Variants in HDAC9 observed in about 807,000 individuals in gnomAD.
The protein encoded by HDAC9 is MEF-2 interacting transcription repressor (MITR) protein.
A neutral mutation model predicts 139.4 loss-of-function variants in HDAC9; 41 were observed. The observed-to-expected ratio is 0.29, with a 90% CI of 0.23 to 0.38. The LOEUF is 0.38. Ranked by LOEUF, HDAC9 falls within the 10% of genes least tolerant of loss-of-function variation. The pLI, the probability that HDAC9 is intolerant of heterozygous loss-of-function variation, is 1.00. For missense variants in HDAC9, 1,147 were observed against 1,297.0 expected, an observed-to-expected ratio of 0.88 and a Z score of 1.78; for synonymous variants, 517 against 476.2, an observed-to-expected ratio of 1.09 and a Z score of -1.12.
intron 13 of HDAC9, among the ~76,000 whole-genome samples, chr7:18,728,837 A>T (rs972789533): frequency 3.3e-5 from 5 of 152,242 alleles, no homozygotes; most frequent in African/African-American, 1.2e-4. Context: ...TACCTTTGGT[A>T]GGCATCTTTA....
At chr7:18,230,761 GT>G (rs1191027096) in intron 2 of HDAC9, among the ~76,000 whole-genome samples, 2 of 152,128 alleles carry the variant, frequency 1.3e-5, no homozygotes, top group African/African-American at 4.8e-5. Context: ...CTTAAAAGTA[GT>G]TTTAAAAGTT....
intron 19 of HDAC9, among the ~76,000 whole-genome samples, chr7:18,830,350 G>C (rs1795771313): frequency 1.3e-5 from 2 of 152,168 alleles, no homozygotes; most frequent in Admixed American, 1.3e-4. Context: ...ACAAAGCATA[G>C]ACAGGAAATG....
At chr7:18,320,722 T>G (rs1477063970) in intron 1 of HDAC9, among the ~76,000 whole-genome samples, 1 of 152,180 alleles carries the variant, frequency 6.6e-6, no homozygotes, top group Admixed American at 6.5e-5. Context: ...AGCAGATAAG[T>G]CTGACATTTC....
At chr7:18,891,369 G>A (rs1440090136) in intron 22 of HDAC9, among the ~76,000 whole-genome samples, 1 of 152,168 alleles carries the variant, frequency 6.6e-6, no homozygotes, top group Non-Finnish European at 1.5e-5. Flanking sequence ...GATGGTTCCA[G>A]GAAGGTCCTC....
In HDAC9 at chr7:18,157,200, CAT is replaced by C. The variant is rs1349838356; in HGVS notation, c.-96-5027_-96-5026del. Among the ~76,000 whole-genome samples, 10 of 152,324 alleles carry C rather than the reference CAT, an allele frequency of 6.6e-5. No homozygotes were observed. The East Asian group carries it at 1.9e-3, about 29-fold the overall frequency. Reference sequence around the variant, plus strand: ...ATACTGTGCAGGAATAGTCAGGACTCATAGTCAGCTGATATGTTTTAGTAAGG... The same window carrying C: ...ATACTGTGCAGGAATAGTCAGGACTCAGTCAGCTGATATGTTTTAGTAAGG... On this transcript the variant is annotated intron_variant, in intron 1 of 12. Coordinates refer to the HDAC9 transcript ENST00000417496.
chr7:18,852,542 C>T (rs1797379014), intron 21 of HDAC9, among the ~76,000 whole-genome samples: 1 of 152,140 alleles, frequency 6.6e-6, no homozygotes, highest in Non-Finnish European at 1.5e-5. Context: ...GGAAAAGGTC[C>T]ATGTGAGTGA....
intron 2 of HDAC9, among the ~76,000 whole-genome samples, chr7:18,511,591 G>A (rs138632187): frequency 6.5e-4 from 99 of 152,216 alleles, no homozygotes; most frequent in African/African-American, 2.3e-3. Flanking sequence ...GTGAGACTCT[G>A]TCTCAAATAA....
chr7:18,785,666 A>T (rs1237202525), intron 16 of HDAC9, among the ~76,000 whole-genome samples: 1 of 152,110 alleles, frequency 6.6e-6, no homozygotes, highest in African/African-American at 2.4e-5. Flanking sequence ...TAATTAGAAA[A>T]CTCTTTATGC....
intron 11 of HDAC9, among the ~76,000 whole-genome samples, chr7:18,653,239 C>CAAA (rs397971219): frequency 0.03 from 2,441 of 82,194 alleles, 132 homozygotes; most frequent in African/African-American, 0.094. Context: ...AACTCCATCT[C>CAAA]AAAAAAAAAA....
rs191943877 is a variant in HDAC9, at chr7:18,625,264, C to G, written c.665-4086C>G. Among the ~76,000 whole-genome samples, 46 of 152,246 alleles carry G rather than the reference C, an allele frequency of 3.0e-4. 1 individual carries two copies. The East Asian group carries it at 7.0e-3, about 23-fold the overall frequency. ...GAGTACTCTCAATTTCTAATAATCT[C>G]TCTTTTCTTTTCTTCCCTTACCCTT... On this transcript the variant is annotated intron_variant, in intron 6 of 25. Coordinates refer to ENST00000686413, the MANE Select transcript of HDAC9 (RefSeq NM_178425.4).
At chr7:18,768,785 G>A (rs115885786) in intron 16 of HDAC9, among the ~76,000 whole-genome samples, 2 of 152,046 alleles carry the variant, frequency 1.3e-5, no homozygotes, top group Non-Finnish European at 2.9e-5. Context: ...AGTTATGATG[G>A]TTCAATTTAT....
intron 1 of HDAC9, among the ~76,000 whole-genome samples, chr7:18,460,682 G>A (rs923339778): frequency 9.2e-5 from 14 of 151,868 alleles, no homozygotes; most frequent in Admixed American, 7.2e-4. Context: ...CAGCTACTCG[G>A]GAGGCTGAGG....
chr7:18,844,940 A>C (rs1796813541), intron 21 of HDAC9, among the ~76,000 whole-genome samples: 1 of 152,168 alleles, frequency 6.6e-6, no homozygotes, highest in African/African-American at 2.4e-5. Flanking sequence ...AGCACTGTAG[A>C]AATGATTCAG....
At chr7:18,183,740 C>T (rs1164236556) in intron 2 of HDAC9, among the ~76,000 whole-genome samples, 1 of 152,184 alleles carries the variant, frequency 6.6e-6, no homozygotes, top group Non-Finnish European at 1.5e-5. Flanking sequence ...CTGCTTTGGC[C>T]TCCCAAAGTG....
intron 17 of HDAC9, among the ~76,000 whole-genome samples, chr7:18,820,984 T>C (rs763427526): frequency 2.0e-5 from 3 of 152,224 alleles, no homozygotes; most frequent in Non-Finnish European, 2.9e-5. Flanking sequence ...CTCACAGTTC[T>C]GGAGGCTGGG....
At chr7:18,231,500 T>C (rs1180299839) in intron 2 of HDAC9, among the ~76,000 whole-genome samples, 1 of 152,010 alleles carries the variant, frequency 6.6e-6, no homozygotes, top group Non-Finnish European at 1.5e-5. Flanking sequence ...TATTCAAGAA[T>C]CCCTTAAAGT....
At chr7:18,121,559 AC>A (rs1368279066) in intron 1 of HDAC9, among the ~76,000 whole-genome samples, 3 of 149,950 alleles carry the variant, frequency 2.0e-5, no homozygotes, top group African/African-American at 7.3e-5. Context: ...AAAAAAAAAA[AC>A]CATTGAAATT....
At chr7:18,528,690 A>G (rs1048004206) in intron 2 of HDAC9, among the ~76,000 whole-genome samples, 6 of 152,184 alleles carry the variant, frequency 3.9e-5, no homozygotes, top group Admixed American at 1.3e-4. Flanking sequence ...TTGTACTAAC[A>G]GTATTAATAA....
At chr7:18,629,289 G>A in intron 6 of HDAC9, 61 bp from the exon 7 acceptor site, 2 of 1,405,736 alleles carry the variant, frequency 1.4e-6, no homozygotes, top group South Asian at 1.4e-5. Flanking sequence ...TAACACATGA[G>A]CAATTGGCTC....
Sources: allele counts gnomAD v4.1 joint callset (sites outside exome capture counted in the v4.1 genomes callset), GRCh38; gene constraint gnomAD v4.1.1; transcripts MANE v1.5; gene names NCBI Gene and HGNC (gene_info 2026-07-23, HGNC 2026-07-21).